ADSS2: variants seen among roughly 807,000 people sequenced by gnomAD.
ADSS2 encodes adenylosuccinate synthetase isozyme 2.
ADSS2 carries 30 observed loss-of-function variants against 60.0 expected under a neutral mutation model. The observed-to-expected ratio is 0.50, with a 90% CI of 0.37 to 0.68. The LOEUF (loss-of-function observed/expected upper bound fraction) is 0.68, where lower values mean the gene tolerates loss of function less well. ADSS2 is among the 30% of genes least tolerant of loss of function. The probability of loss-of-function intolerance (pLI) is 0.00; values close to 1 mark genes in which losing one functional copy is unlikely to be tolerated. For missense variants in ADSS2, 373 were observed against 554.8 expected (o/e 0.67, Z 3.29); for synonymous variants, 187 against 193.1 (o/e 0.97, Z 0.26).
chr1:244,430,087 T>A (rs1217244810), intron 4 of ADSS2, among the ~76,000 whole-genome samples: 2 of 151,960 alleles, frequency 1.3e-5, no homozygotes, highest in African/African-American at 4.8e-5. Context: ...ATACTTTCCT[T>A]TAAGGTCATA....
At chr1:244,437,599 A>G in intron 2 of ADSS2, 67 bp downstream of exon 2, 2 of 1,151,016 alleles carry the variant, frequency 1.7e-6, no homozygotes, top group Admixed American at 3.5e-5. Flanking sequence ...AGTTTTGACA[A>G]TAAAAAATAA....
intron 8 of ADSS2, 102 bp downstream of exon 8, chr1:244,420,065 TAAA>T (rs1168462619): frequency 1.6e-5 from 20 of 1,239,888 alleles, no homozygotes; most frequent in Non-Finnish European, 2.1e-5. Flanking sequence ...ATATACAAGC[TAAA>T]AACATTGTTT....
chr1:244,445,422 T>C (rs937191744), intron 1 of ADSS2, among the ~76,000 whole-genome samples: 3 of 152,222 alleles, frequency 2.0e-5, no homozygotes, highest in Admixed American at 6.5e-5. Flanking sequence ...AATGATATAA[T>C]AGTATTTAGT....
chr1:244,426,872 A>T (rs1009858053), intron 4 of ADSS2, among the ~76,000 whole-genome samples: 9 of 152,134 alleles, frequency 5.9e-5, no homozygotes, highest in Non-Finnish European at 1.2e-4. Flanking sequence ...GCCATGCTAC[A>T]TCGATTACAT....
intron 4 of ADSS2, 131 bp from the exon 5 acceptor site, chr1:244,424,518 A>G (rs969317345): frequency 3.0e-6 from 2 of 671,328 alleles, no homozygotes; most frequent in African/African-American, 3.6e-5. Flanking sequence ...ACACATTTTT[A>G]GAAGTGATGA....
At chr1:244,420,140 T>A (rs766784410) in intron 8 of ADSS2, 30 bp downstream of exon 8, 4 of 1,596,740 alleles carry the variant, frequency 2.5e-6, no homozygotes, top group Non-Finnish European at 3.4e-6. Context: ...TCAGTTAAGC[T>A]CCCTTAACTA....
intron 5 of ADSS2, 56 bp downstream of exon 5, chr1:244,424,265 A>G (rs979268231): frequency 1.6e-5 from 24 of 1,516,808 alleles, no homozygotes; most frequent in Non-Finnish European, 2.0e-5. Flanking sequence ...TAGAACTAAA[A>G]TATAAAGGTC....
In ADSS2 at chr1:244,409,516, A is replaced by G. The variant is rs999478620; in HGVS notation, c.*70T>C. ...GTCTTTATTCTTGAATTTGCAGGTC[A>G]TAAATGAAATATTTAAGAAAGTCTT... On this transcript the variant is annotated 3_prime_UTR_variant, in exon 13 of 13. Coordinates refer to ENST00000366535, the MANE Select transcript of ADSS2 (RefSeq NM_001126.5). The G allele has an allele frequency of 4.9e-6, 6 of 1,229,564 alleles. No individual in the cohort carries two copies. Among genetic ancestry groups the G allele is most frequent in the Middle Eastern group, 4.6e-4 (2 of 4,386 alleles). The allele number at this position is 1,229,564 out of a possible 1,614,324, so 76.2% of individuals were successfully genotyped here. A position where few individuals can be genotyped will look rare whatever the true frequency, so the allele number is the denominator to read the frequency against.
At chr1:244,447,133 C>G (rs1269770197) in intron 1 of ADSS2, among the ~76,000 whole-genome samples, 1 of 152,132 alleles carries the variant, frequency 6.6e-6, no homozygotes, top group Non-Finnish European at 1.5e-5. Flanking sequence ...GTTGATGTTT[C>G]TGTTGCTAAA....
intron 12 of ADSS2, 123 bp downstream of exon 12, chr1:244,411,164 T>C (rs962683371): frequency 1.3e-5 from 12 of 959,768 alleles, no homozygotes; most frequent in South Asian, 1.2e-4. Context: ...GAGGTTGCAG[T>C]GAGCCGAGAT....
chr1:244,429,007 C>T lies in ADSS2; in HGVS notation c.406+3538G>A, dbSNP rs73129717. 5.3e-3 allele frequency among the ~76,000 whole-genome samples: 807 copies of T among 152,202 alleles called. 14 individuals are homozygous for T. The highest frequency in any genetic ancestry group is 0.018 in the African/African-American group (728 of 41,550). On this transcript the variant is annotated intron_variant, in intron 4 of 12. Coordinates refer to ENST00000366535, the MANE Select transcript of ADSS2 (RefSeq NM_001126.5). ...TAGAAGGCACTAAAACTGAAACAGACAACAAAACTAAAGAAAACTACAGAG... is the reference window on the plus strand; with the variant it reads ...TAGAAGGCACTAAAACTGAAACAGATAACAAAACTAAAGAAAACTACAGAG...
At chr1:244,424,202 G>T in intron 5 of ADSS2, 119 bp downstream of exon 5, 1 of 1,228,006 alleles carries the variant, frequency 8.1e-7, no homozygotes, top group Non-Finnish European at 1.1e-6. Flanking sequence ...TAATCCTACT[G>T]ATTTTCTCTA....
intron 9 of ADSS2, 103 bp downstream of exon 9, chr1:244,418,656 AT>A (rs1290588476): frequency 1.7e-6 from 2 of 1,202,884 alleles, no homozygotes; most frequent in Admixed American, 5.9e-5. Flanking sequence ...GTTCTGACCA[AT>A]CTTGCAAATT....
Position 244,408,733 on chromosome 1 carries a change from G to A in ADSS2, c.*853C>T, listed in dbSNP as rs768749251. On this transcript the variant is annotated 3_prime_UTR_variant, in exon 13 of 13. Transcript: ENST00000366535. The stretch of plus-strand genomic sequence containing the variant: ...TTACAGATGATTCTGTAGGCATATC[G>A]GCAGGCACGATGTTGAAAACCAATC... 1.3e-4 allele frequency: 20 copies of A among 151,274 alleles called. No individual in the cohort carries two copies. The highest frequency in any genetic ancestry group is 6.6e-4 in the Admixed American group (10 of 15,150). 9.4% of individuals were successfully genotyped at this position (151,274 alleles called of 1,614,324 possible).
chr1:244,421,838 T>C (rs1664681890), intron 7 of ADSS2, among the ~76,000 whole-genome samples: 1 of 151,812 alleles, frequency 6.6e-6, no homozygotes. Flanking sequence ...TAGCAGGGTG[T>C]GGTGGTGTGC....
intron 4 of ADSS2, among the ~76,000 whole-genome samples, chr1:244,428,866 T>C (rs1481371356): frequency 1.3e-5 from 2 of 152,098 alleles, no homozygotes; most frequent in African/African-American, 4.8e-5. Context: ...CCGATATCTA[T>C]TAAAGAAATA....
chr1:244,440,592 C>A (rs1252382755), intron 1 of ADSS2, among the ~76,000 whole-genome samples: 4 of 152,006 alleles, frequency 2.6e-5, no homozygotes, highest in Non-Finnish European at 4.4e-5. Flanking sequence ...AAGAAATTCC[C>A]GCATATGATA....
At chr1:244,428,496 A>G (rs1245162612) in intron 4 of ADSS2, among the ~76,000 whole-genome samples, 1 of 150,494 alleles carries the variant, frequency 6.6e-6, no homozygotes, top group Non-Finnish European at 1.5e-5. Context: ...AAGAGGAAGC[A>G]AAGAAGGAAG....
chr1:244,412,300 T>C (rs1197302585), intron 11 of ADSS2, among the ~76,000 whole-genome samples: 2 of 152,240 alleles, frequency 1.3e-5, no homozygotes, highest in African/African-American at 4.8e-5. Context: ...TGTTGCTCAG[T>C]GCACTTATGA....
Sources: allele counts gnomAD v4.1 joint callset (sites outside exome capture counted in the v4.1 genomes callset), GRCh38; gene constraint gnomAD v4.1.1; transcripts MANE v1.5; gene names NCBI Gene and HGNC (gene_info 2026-07-23, HGNC 2026-07-21).